The following RBFOX1 variants were observed in gnomAD, a reference collection of about 807,000 sequenced individuals.
RBFOX1 encodes RNA binding fox-1 homolog 1.
A neutral mutation model predicts 57.7 loss-of-function variants in RBFOX1; 8 were observed. The observed-to-expected ratio is 0.14, with a 90% CI of 0.08 to 0.25. RBFOX1 has a LOEUF of 0.25. RBFOX1 is among the 10% of genes least tolerant of loss of function. The probability of loss-of-function intolerance (pLI) is 1.00; values close to 1 mark genes in which losing one functional copy is unlikely to be tolerated. For synonymous variants in RBFOX1, 326 were observed against 222.4 expected, an observed-to-expected ratio of 1.47 and a Z score of -4.15; for missense variants, 611 against 548.5, an observed-to-expected ratio of 1.11 and a Z score of -1.14.
intron 4 of RBFOX1, among the ~76,000 whole-genome samples, chr16:7,321,139 A>G (rs1488490751): frequency 2.6e-5 from 4 of 151,612 alleles, no homozygotes; most frequent in Non-Finnish European, 5.9e-5. Context: ...ACTTATACTT[A>G]TATTGTTTGT....
Position 7,136,654 on chromosome 16 carries a change from C to G in RBFOX1, c.27+84556C>G, listed in dbSNP as rs572934363. Among the ~76,000 whole-genome samples, 4 of 152,216 alleles carry G rather than the reference C, an allele frequency of 2.6e-5. No homozygotes were observed. The East Asian group carries it at 7.7e-4, about 29-fold the overall frequency. On this transcript the variant is annotated intron_variant, in intron 4 of 15. Transcript: ENST00000550418. ...CTGATCTTGAACTCCTGGCCTCAAA[C>G]AATCCTCCTGCCTTGGCCTCCCAAA...
intron 3 of RBFOX1, among the ~76,000 whole-genome samples, chr16:5,640,447 T>C (rs904572018): frequency 2.0e-5 from 3 of 151,322 alleles, no homozygotes; most frequent in Non-Finnish European, 4.4e-5. Flanking sequence ...ATGAACACCA[T>C]GCATACACAG....
chr16:5,543,434 C>T (rs1191765629), intron 2 of RBFOX1, among the ~76,000 whole-genome samples: 4 of 152,136 alleles, frequency 2.6e-5, no homozygotes, highest in South Asian at 2.1e-4. Flanking sequence ...ATTGCCCATA[C>T]ACAAAAAAGA....
At chr16:7,528,363 C>T (rs1487133261) in intron 5 of RBFOX1, among the ~76,000 whole-genome samples, 1 of 152,192 alleles carries the variant, frequency 6.6e-6, no homozygotes, top group Admixed American at 6.5e-5. Context: ...CCTTCAAACA[C>T]CCAAATCCAT....
intron 2 of RBFOX1, among the ~76,000 whole-genome samples, chr16:6,527,179 A>G (rs1376582023): frequency 3.9e-5 from 6 of 152,208 alleles, no homozygotes; most frequent in African/African-American, 1.4e-4. Context: ...ATATAGGGAA[A>G]AAGTAAGTCT....
intron 2 of RBFOX1, among the ~76,000 whole-genome samples, chr16:5,534,715 C>T (rs971758139): frequency 2.0e-5 from 3 of 152,182 alleles, no homozygotes; most frequent in Non-Finnish European, 2.9e-5. Context: ...CACGTGTTAA[C>T]CTTCCCTGGG....
chr16:6,769,716 G>C (rs1372374008), intron 3 of RBFOX1, among the ~76,000 whole-genome samples: 1 of 152,120 alleles, frequency 6.6e-6, no homozygotes, highest in East Asian at 1.9e-4. Flanking sequence ...AGCTTCTGTG[G>C]CTTGATCTTG....
At chr16:6,354,623 A>G (rs1196518840) in intron 2 of RBFOX1, among the ~76,000 whole-genome samples, 3 of 152,028 alleles carry the variant, frequency 2.0e-5, no homozygotes, top group Admixed American at 1.3e-4. Context: ...CTGACTGTAT[A>G]CTAGCTGCAA....
intron 10 of RBFOX1, among the ~76,000 whole-genome samples, chr16:7,619,855 A>G (rs1261253862): frequency 2.0e-5 from 3 of 152,116 alleles, no homozygotes; most frequent in Non-Finnish European, 4.4e-5. Flanking sequence ...AAATTGGAGG[A>G]GCTGTGTCTC....
chr16:7,178,315 C>T (rs952207545), intron 4 of RBFOX1, among the ~76,000 whole-genome samples: 1 of 152,072 alleles, frequency 6.6e-6, no homozygotes, highest in Non-Finnish European at 1.5e-5. Context: ...CTGAGAAAAA[C>T]CAAGAGGAGA....
At chr16:7,454,044 C>G (rs1048867988) in intron 4 of RBFOX1, among the ~76,000 whole-genome samples, 113 of 152,282 alleles carry the variant, frequency 7.4e-4, no homozygotes, top group African/African-American at 2.6e-3. Flanking sequence ...ACCAGCCTCA[C>G]CAACATGGTG....
chr16:6,197,432 G>C (rs77684424), intron 1 of RBFOX1, among the ~76,000 whole-genome samples: 1 of 152,190 alleles, frequency 6.6e-6, no homozygotes, highest in Non-Finnish European at 1.5e-5. Flanking sequence ...GCTTACCCAT[G>C]TTGGGGACCT....
At chr16:7,510,922 G>T (rs926874274) in intron 4 of RBFOX1, among the ~76,000 whole-genome samples, 5 of 152,144 alleles carry the variant, frequency 3.3e-5, no homozygotes, top group African/African-American at 1.2e-4. Context: ...TCATTATAAG[G>T]GTTGAGTTAA....
rs1176012036 is a variant in RBFOX1 at position 6,584,500 on chromosome 16, T to G, written c.-63-70103T>G. Among the ~76,000 whole-genome samples, 6 of 151,974 alleles carry G rather than the reference T, an allele frequency of 3.9e-5. No individual in the cohort carries two copies. The East Asian group carries it at 1.2e-3, about 29-fold the overall frequency. ...CTCTTGCCTTAGCCTCCCAAGTTGC[T>G]GGGATTACTGCCCTTCCCCACCACA... On this transcript the variant is annotated intron_variant, in intron 2 of 15. Coordinates refer to ENST00000550418, the MANE Select transcript of RBFOX1 (RefSeq NM_018723.4).
At chr16:7,253,851 C>G (rs1043063953) in intron 4 of RBFOX1, among the ~76,000 whole-genome samples, 1 of 152,128 alleles carries the variant, frequency 6.6e-6, no homozygotes, top group Non-Finnish European at 1.5e-5. Context: ...CATGAGAGCT[C>G]TTGAGAAATG....
At chr16:6,709,006 C>G (rs1020663393) in intron 3 of RBFOX1, among the ~76,000 whole-genome samples, 3 of 151,988 alleles carry the variant, frequency 2.0e-5, no homozygotes, top group African/African-American at 7.2e-5. Flanking sequence ...TTTTTATTCC[C>G]TGACTGTGCC....
chr16:6,203,404 A>G (rs1370113287), intron 1 of RBFOX1, among the ~76,000 whole-genome samples: 4 of 152,160 alleles, frequency 2.6e-5, no homozygotes, highest in Non-Finnish European at 5.9e-5. Context: ...GGTCTGTCCA[A>G]GTAAATCCAA....
intron 3 of RBFOX1, among the ~76,000 whole-genome samples, chr16:6,865,575 G>T (rs2059775596): frequency 6.6e-6 from 1 of 152,084 alleles, no homozygotes; most frequent in African/African-American, 2.4e-5. Context: ...TGTATTAATT[G>T]TAGATAATAT....
At chr16:7,067,436 G>T (rs2153765261) in intron 4 of RBFOX1, among the ~76,000 whole-genome samples, 1 of 151,818 alleles carries the variant, frequency 6.6e-6, no homozygotes, top group Non-Finnish European at 1.5e-5. Flanking sequence ...GGAGGCTCTA[G>T]GAGAGAATCC....
Sources: gnomAD v4.1 joint callset for allele counts (sites outside exome capture counted in the v4.1 genomes callset) on GRCh38, gnomAD v4.1.1 for gene constraint, MANE v1.5 for transcripts, NCBI Gene and HGNC (gene_info 2026-07-23, HGNC 2026-07-21) for gene names.